KRT1: variants seen among roughly 807,000 people sequenced by gnomAD.
KRT1 encodes the protein keratin 1.
In KRT1, 28 loss-of-function variants were observed where a neutral mutation model predicts 51.6. The ratio of observed to expected loss-of-function variants is 0.54; its 90% CI spans 0.40 to 0.74. KRT1 has a LOEUF of 0.74. Ranked by LOEUF, KRT1 falls within the 30% of genes least tolerant of loss-of-function variation. The pLI, the probability that KRT1 is intolerant of heterozygous loss-of-function variation, is 0.00. For synonymous variants in KRT1, 301 were observed against 307.7 expected, an observed-to-expected ratio of 0.98 and a Z score of 0.23; for missense variants, 783 against 815.5, an observed-to-expected ratio of 0.96 and a Z score of 0.49.
Position 52,680,121 on chromosome 12 carries a change from G to A in KRT1, c.228C>T (p.Ile76=), listed in dbSNP as rs1302154097. The A allele has an allele frequency of 6.4e-7, 1 of 1,570,060 alleles. No individual in the cohort carries two copies. Among genetic ancestry groups the A allele is most frequent in the Admixed American group, 1.9e-5 (1 of 52,134 alleles). ...SLVNLGGSKS[I]SISVARGGGR... The stretch of plus-strand genomic sequence containing the variant: ...CACCTCCTCTAGCCACACTTATGGA[G>A]ATGCTTTTACTGCCACCAAGGTTAA... The change falls in exon 1 of 9, where the codon ATC becomes ATT. Residue 76 remains isoleucine (I), a synonymous_variant. Transcript: ENST00000252244.
rs14024 is a variant in KRT1, at chr12:52,675,230, T to C, written c.1898A>G (p.Lys633Arg). ...VKSSGGSSSV[K>R]FVSTTYSGVT... The stretch of plus-strand genomic sequence containing the variant: ...TCCGGAATAAGTGGTAGAAACAAAC[T>C]TCACGCTGGAACTGCCACCAGAGGA... Residue 633 changes from lysine (K) to arginine (R), a missense_variant, in exon 9 of 9, where the codon AAG (lysine) becomes AGG (arginine). By Grantham distance (26) the Lys-to-Arg change is conservative. Coordinates refer to ENST00000252244, the MANE Select transcript of KRT1 (RefSeq NM_006121.4). The C allele has an allele frequency of 0.31, 493,568 of 1,613,660 alleles. 80,446 individuals carry two copies. The highest frequency in any genetic ancestry group is 0.59 in the East Asian group (26,605 of 44,850).
In KRT1 at chr12:52,680,078, C is replaced by G. The variant is rs1457523986; in HGVS notation, c.271G>C (p.Gly91Arg). The G allele has an allele frequency of 7.7e-6, 12 of 1,555,706 alleles. No homozygotes were observed. The African/African-American group carries it at 1.6e-4, about 21-fold the overall frequency. Reference protein sequence around the residue: ...ARGGGRGSGFGGGYGGGGFGG... With the variant: ...ARGGGRGSGFRGGYGGGGFGG... ...AAGCCACCACCACCATAACCACCACCAAAGCCACTACCACGTCCACCTCCT... is the reference window on the plus strand; with the variant it reads ...AAGCCACCACCACCATAACCACCACGAAAGCCACTACCACGTCCACCTCCT... Residue 91 changes from glycine to arginine, a missense_variant, in exon 1 of 9, where the codon GGT becomes CGT. Physicochemically the swap from Gly to Arg is moderately radical, Grantham distance 125 (BLOSUM62 -2). Coordinates refer to ENST00000252244, the MANE Select transcript of KRT1 (RefSeq NM_006121.4).
rs780043647 is a variant in KRT1, at chr12:52,679,805, C to T, written c.544G>A (p.Glu182Lys). ...EIQKVKSRER[E>K]QIKSLNNQFA... Reference sequence around the variant, plus strand: ...TGGTTGTTGAGTGACTTGATTTGCTCCCTTTCTCGAGACTTCACCTTTTGG... The same window carrying T: ...TGGTTGTTGAGTGACTTGATTTGCTTCCTTTCTCGAGACTTCACCTTTTGG... Residue 182 changes from glutamate to lysine, a missense_variant, in exon 1 of 9, where the codon GAG becomes AAG. Glu to Lys is a moderately conservative substitution (Grantham distance 56). Coordinates refer to ENST00000252244, the MANE Select transcript of KRT1 (RefSeq NM_006121.4). The T allele has an allele frequency of 1.2e-6, 2 of 1,614,156 alleles. No individual in the cohort carries two copies. The highest frequency in any genetic ancestry group is 1.6e-4 in the Middle Eastern group (1 of 6,062).
In KRT1 at chr12:52,679,954, C is replaced by T. The variant is rs1161359255; in HGVS notation, c.395G>A (p.Gly132Asp). The part of the protein sequence containing the change: ...FGSGGGGFGG[G>D]GFGGGGYGGG... ...CCCATATCCACCACCCCCAAAGCCA[C>T]CTCCACCAAAACCACCACCACCACT... is the stretch of plus-strand genomic sequence containing the variant. The change falls in exon 1 of 9, where the codon GGT becomes GAT. Residue 132 changes from glycine (G) to aspartate (D), a missense_variant. Physicochemically the swap from Gly to Asp is moderately conservative, Grantham distance 94. Coordinates refer to ENST00000252244, the MANE Select transcript of KRT1 (RefSeq NM_006121.4). 1.9e-6 allele frequency: 3 copies of T among 1,613,106 alleles called. No individual in the cohort carries two copies. Among genetic ancestry groups the T allele is most frequent in the East Asian group, 4.5e-5 (2 of 44,860 alleles).
Position 52,674,803 on chromosome 12 carries a change from A to G in KRT1, c.*390T>C, listed in dbSNP as rs1307889281. The G allele has an allele frequency of 1.6e-5, 5 of 309,026 alleles. No individual in the cohort carries two copies. In the East Asian group the frequency reaches 2.2e-4, roughly 13 times the overall value. 19.1% of individuals were successfully genotyped at this position (309,026 alleles called of 1,614,324 possible). A position where few individuals can be genotyped will look rare whatever the true frequency, so the allele number is the denominator to read the frequency against. On this transcript the variant is annotated 3_prime_UTR_variant, in exon 9 of 9. Transcript: ENST00000252244. ...GAGTTTAAGACCTCTCCACAAAAGA[A>G]AAACAACTTGCTTACACCTTATGTA...
Position 52,676,307 on chromosome 12 carries a change from G to C in KRT1, c.1443C>G (p.Thr481=), listed in dbSNP as rs749643681. Residue 481 remains threonine (T), a synonymous_variant, in exon 7 of 9, where the codon ACC becomes ACG. Transcript: ENST00000252244. ...CTTCTCCCTCCAGGAGGGTCCTGTA[G>C]GTGGCAATCTCCAGATCCAGGGCCA... ...TKLALDLEIA[T]YRTLLEGEES... is the part of the protein sequence containing the mutation. 1 of 1,614,136 alleles carries C rather than the reference G, an allele frequency of 6.2e-7. No individual in the cohort carries two copies. The highest frequency in any genetic ancestry group is 8.5e-7 in the Non-Finnish European group (1 of 1,180,028).
chr12:52,677,861 T>C (rs1465471256), intron 3 of KRT1, 116 bp from the exon 4 acceptor site: 1 of 888,956 alleles, frequency 1.1e-6, no homozygotes, highest in South Asian at 1.4e-5. Flanking sequence ...CCACTCCTTT[T>C]TGCCCCAGGT....
chr12:52,678,896 T>C (rs1357916233), intron 1 of KRT1, 140 bp from the exon 2 acceptor site: 16 of 807,986 alleles, frequency 2.0e-5, no homozygotes. Flanking sequence ...ATCAAGTTAA[T>C]ATCATCTGCA....
intron 2 of KRT1, 62 bp from the exon 3 acceptor site, chr12:52,678,285 T>C (rs1411520191): frequency 6.5e-7 from 1 of 1,549,274 alleles, no homozygotes; most frequent in East Asian, 2.2e-5. Context: ...TCCAGCATTC[T>C]AAACTAAAGG....
In KRT1 at chr12:52,677,451, A is replaced by G. The variant is rs1338051189; in HGVS notation, c.993T>C (p.Ser331=). 10 of 1,614,114 alleles carry G rather than the reference A, an allele frequency of 6.2e-6. No homozygotes were observed. Among genetic ancestry groups the G allele is most frequent in the Non-Finnish European group, 8.5e-6 (10 of 1,180,054 alleles). Residue 331 remains serine, a synonymous_variant, in exon 5 of 9, where the codon AGT becomes AGC. Transcript: ENST00000252244. ...CCATAGAGAGGATGACATTAGTTTC[A>G]CTGATTTGAGTCTGCATCTGAGACA... ...AELSQMQTQI[S]ETNVILSMDN... is the part of the protein sequence containing the mutation.
chr12:52,677,813 G>A (rs1941534028), intron 3 of KRT1, 68 bp from the exon 4 acceptor site: 2 of 1,373,236 alleles, frequency 1.5e-6, no homozygotes, highest in Non-Finnish European at 2.1e-6. Context: ...TACCTGTGAG[G>A]GGATTCTCCA....
In KRT1 at chr12:52,680,201, C is replaced by A; in HGVS notation, c.148G>T (p.Gly50Cys). The change falls in exon 1 of 9, where the codon GGT becomes TGT. Residue 50 changes from glycine to cysteine, a missense_variant. Gly to Cys is a radical substitution (Grantham distance 159). Transcript: ENST00000252244. ...GCACCAAAGCTACCACCACCACCAC[C>A]ACAGCTTGAAAATCTCCCACCACCT... is the stretch of plus-strand genomic sequence containing the variant. ...GGGGGRFSSC[G>C]GGGGSFGAGG... 6.2e-7 allele frequency: 1 copy of A among 1,613,864 alleles called. No homozygotes were observed. The highest frequency in any genetic ancestry group is 8.5e-7 in the Non-Finnish European group (1 of 1,179,818).
intron 6 of KRT1, 89 bp downstream of exon 6, chr12:52,676,970 C>T: frequency 6.5e-7 from 1 of 1,540,072 alleles, no homozygotes; most frequent in Non-Finnish European, 8.9e-7. Context: ...GGATGAATTG[C>T]AAGATTCAAA....
At chr12:52,677,251 G>C in intron 5 of KRT1, 65 bp downstream of exon 5, 1 of 1,614,088 alleles carries the variant, frequency 6.2e-7, no homozygotes, top group South Asian at 1.1e-5. Context: ...ACACATACAT[G>C]AGATAACACA....
In KRT1 at chr12:52,680,217, C is replaced by G. The variant is rs192498048; in HGVS notation, c.132G>C (p.Gly44=). 3.5e-5 allele frequency: 57 copies of G among 1,614,090 alleles called. No homozygotes were observed. In the African/African-American group the frequency reaches 5.7e-4, roughly 16 times the overall value. The change falls in exon 1 of 9, where the codon GGG becomes GGC. Residue 44 remains glycine (G), a synonymous_variant. Coordinates refer to ENST00000252244, the MANE Select transcript of KRT1 (RefSeq NM_006121.4). Reference sequence around the variant, plus strand: ...CACCACCACCACAGCTTGAAAATCTCCCACCACCTCCTCCACTGCGGCGTG... The same window carrying G: ...CACCACCACCACAGCTTGAAAATCTGCCACCACCTCCTCCACTGCGGCGTG... ...SSTRRSGGGG[G]RFSSCGGGGG...
chr12:52,678,446 A>G, intron 2 of KRT1, 96 bp downstream of exon 2: 1 of 1,285,912 alleles, frequency 7.8e-7, no homozygotes, highest in Non-Finnish European at 1.1e-6. Flanking sequence ...AACCTAAGAA[A>G]AGACATAGCT....
chr12:52,678,572 A>T lies in KRT1; in HGVS notation c.776T>A (p.Met259Lys). ...CCGGTAATCCTCCACCATGTCCTGC[A>T]TGTTCTTCAGTTCCGAATCCAACCG... ...QSRLDSELKN[M>K]QDMVEDYRNK... Residue 259 changes from methionine to lysine, a missense_variant, in exon 2 of 9, where the codon ATG becomes AAG. Physicochemically the swap from Met to Lys is moderately conservative, Grantham distance 95. Coordinates refer to ENST00000252244, the MANE Select transcript of KRT1 (RefSeq NM_006121.4). 6.2e-7 allele frequency: 1 copy of T among 1,614,238 alleles called. No individual in the cohort carries two copies. The highest frequency in any genetic ancestry group is 1.1e-5 in the South Asian group (1 of 91,082).
intron 3 of KRT1, 100 bp downstream of exon 3, chr12:52,678,063 A>C: frequency 4.4e-6 from 5 of 1,133,936 alleles, no homozygotes; most frequent in Non-Finnish European, 6.7e-6. Flanking sequence ...CAGGTCTACT[A>C]CCTGGCTCTC....
chr12:52,675,278 C>A lies in KRT1; in HGVS notation c.1850G>T (p.Gly617Val). The A allele has an allele frequency of 6.2e-7, 1 of 1,613,802 alleles. No homozygotes were observed. Among genetic ancestry groups the A allele is most frequent in the South Asian group, 1.1e-5 (1 of 91,060 alleles). ...GGACTTGACACCCCCAGAGCTGGAT[C>A]CCCGGCCTCCTATGGAGCCTCCAGA... ...GSSGGSIGGRGSSSGGVKSSG... is the reference protein window; with the variant it reads ...GSSGGSIGGRVSSSGGVKSSG... Residue 617 changes from glycine (G) to valine (V), a missense_variant, in exon 9 of 9, where the codon GGA (glycine) becomes GTA (valine). Coordinates refer to ENST00000252244, the MANE Select transcript of KRT1 (RefSeq NM_006121.4).
Sources: allele counts gnomAD v4.1 joint callset, GRCh38; gene constraint gnomAD v4.1.1; transcripts MANE v1.5; gene names NCBI Gene and HGNC (gene_info 2026-07-23, HGNC 2026-07-21).